The following PCDH9 variants were observed in gnomAD, a reference collection of about 807,000 sequenced individuals.
PCDH9 encodes protocadherin-9.
PCDH9 carries 24 observed loss-of-function variants against 70.6 expected under a neutral mutation model. The observed-to-expected ratio is 0.34, with a 90% CI of 0.25 to 0.48. The LOEUF (loss-of-function observed/expected upper bound fraction) is 0.48, where lower values mean the gene tolerates loss of function less well. PCDH9 is among the 20% of genes least tolerant of loss of function. The pLI, the probability that PCDH9 is intolerant of heterozygous loss-of-function variation, is 0.99. For missense variants in PCDH9, 1,281 were observed against 1,503.6 expected (o/e 0.85, Z 2.45); for synonymous variants, 562 against 558.5 (o/e 1.01, Z -0.09).
intron 2 of PCDH9, among the ~76,000 whole-genome samples, chr13:66,954,924 C>T (rs573950405): frequency 1.3e-5 from 2 of 152,178 alleles, no homozygotes; most frequent in South Asian, 2.1e-4. Flanking sequence ...CCTCCACGCC[C>T]GGCTAATTTT....
chr13:66,880,909 G>A (rs2081911034), intron 3 of PCDH9, among the ~76,000 whole-genome samples: 1 of 152,306 alleles, frequency 6.6e-6, no homozygotes, highest in Non-Finnish European at 1.5e-5. Context: ...AGGTTCTACA[G>A]TCACAATTCA....
rs543407069 is a variant in PCDH9, at chr13:66,712,578, G to T, written c.3139-81167C>A. On this transcript the variant is annotated intron_variant, in intron 3 of 4. Coordinates refer to ENST00000377865, the MANE Select transcript of PCDH9 (RefSeq NM_203487.3). ...CAATTTTAAAATAAAGTATTTTTTT[G>T]AAAGGAAATTAGGCAATGCCAAGCT... Among the ~76,000 whole-genome samples, 57 of 151,904 alleles carry T rather than the reference G, an allele frequency of 3.8e-4. 1 individual carries two copies. The highest frequency in any genetic ancestry group is 1.4e-3 in the African/African-American group (57 of 41,478).
intron 4 of PCDH9, among the ~76,000 whole-genome samples, chr13:66,530,161 C>T (rs1960388785): frequency 6.6e-6 from 1 of 152,038 alleles, no homozygotes; most frequent in South Asian, 2.1e-4. Context: ...CTTTTAAGCT[C>T]CTCCTACTTT....
chr13:67,103,276 T>C (rs2086469322), intron 2 of PCDH9, among the ~76,000 whole-genome samples: 1 of 152,030 alleles, frequency 6.6e-6, no homozygotes, highest in Admixed American at 6.6e-5. Flanking sequence ...TATGTGAAAA[T>C]AATTGGGGAA....
rs116517719 is a variant in PCDH9 at position 67,089,552 on chromosome 13, G to A, written c.3036+135853C>T. On this transcript the variant is annotated intron_variant, in intron 2 of 4. Coordinates refer to ENST00000377865, the MANE Select transcript of PCDH9 (RefSeq NM_203487.3). ...AAGATAAACATATTTGGACTCTGCCGTCAAGCAACATAGAGTTTTGTGAAT... is the reference window on the plus strand; with the variant it reads ...AAGATAAACATATTTGGACTCTGCCATCAAGCAACATAGAGTTTTGTGAAT... Among the ~76,000 whole-genome samples, 1,126 of 152,006 alleles carry A rather than the reference G, an allele frequency of 7.4e-3. 16 individuals carry two copies. Among genetic ancestry groups the A allele is most frequent in the African/African-American group, 0.025 (1,043 of 41,514 alleles).
intron 4 of PCDH9, among the ~76,000 whole-genome samples, chr13:66,602,290 T>C (rs1397208701): frequency 6.8e-6 from 1 of 146,548 alleles, no homozygotes; most frequent in Non-Finnish European, 1.5e-5. Flanking sequence ...CTGGGCTGCA[T>C]GTGGCCCACA....
chr13:66,869,535 T>G (rs1240915515), intron 3 of PCDH9, among the ~76,000 whole-genome samples: 6 of 152,114 alleles, frequency 3.9e-5, no homozygotes, highest in Non-Finnish European at 8.8e-5. Context: ...CTTTCTAAAT[T>G]GTATTGTTTC....
intron 2 of PCDH9, chr13:67,211,114 T>C (rs2089459424): frequency 6.6e-6 from 1 of 152,004 alleles, no homozygotes. Flanking sequence ...GATTTACATA[T>C]AGTTTTTTGG....
intron 2 of PCDH9, among the ~76,000 whole-genome samples, chr13:67,155,287 C>T (rs1311901022): frequency 6.6e-6 from 1 of 152,090 alleles, no homozygotes; most frequent in African/African-American, 2.4e-5. Context: ...GTGCTTCAGG[C>T]TTTTCTAATA....
chr13:67,059,582 G>A (rs926152590), intron 2 of PCDH9, among the ~76,000 whole-genome samples: 10 of 151,618 alleles, frequency 6.6e-5, no homozygotes, highest in East Asian at 1.9e-4. Context: ...TCATGTGGCC[G>A]TCTTGGGAAG....
At chr13:66,687,073 C>T (rs1423347316) in intron 3 of PCDH9, among the ~76,000 whole-genome samples, 1 of 152,070 alleles carries the variant, frequency 6.6e-6, no homozygotes, top group Non-Finnish European at 1.5e-5. Context: ...ACAAGTGACT[C>T]ATAAAACAGG....
chr13:67,169,205 C>T (rs988500453), intron 2 of PCDH9, among the ~76,000 whole-genome samples: 9 of 152,262 alleles, frequency 5.9e-5, no homozygotes, highest in South Asian at 2.1e-4. Context: ...GATATGAAAA[C>T]CAAGAGTGCA....
At chr13:67,057,827 CCAT>C (rs1468540514) in intron 2 of PCDH9, among the ~76,000 whole-genome samples, 1 of 152,032 alleles carries the variant, frequency 6.6e-6, no homozygotes, top group Non-Finnish European at 1.5e-5. Context: ...ATACACTTGA[CCAT>C]CATAAGCTAA....
intron 2 of PCDH9, among the ~76,000 whole-genome samples, chr13:66,969,759 T>C (rs549672880): frequency 6.6e-6 from 1 of 152,110 alleles, no homozygotes; most frequent in South Asian, 2.1e-4. Flanking sequence ...ACAGACTCAA[T>C]TATAGAAGCT....
At chr13:66,506,424 T>C (rs1393614891) in intron 4 of PCDH9, among the ~76,000 whole-genome samples, 1 of 152,216 alleles carries the variant, frequency 6.6e-6, no homozygotes, top group Non-Finnish European at 1.5e-5. Context: ...TAAGAGTTTA[T>C]TATAAGGTTC....
intron 2 of PCDH9, among the ~76,000 whole-genome samples, chr13:66,945,773 G>A (rs2083078397): frequency 6.6e-6 from 1 of 152,024 alleles, no homozygotes; most frequent in East Asian, 1.9e-4. Flanking sequence ...CCATGTTACA[G>A]CTTTATATTA....
intron 2 of PCDH9, among the ~76,000 whole-genome samples, chr13:67,050,799 C>T (rs946577223): frequency 2.0e-5 from 3 of 152,208 alleles, no homozygotes; most frequent in Admixed American, 6.5e-5. Flanking sequence ...GTATGTCTCA[C>T]AGCAGATCCT....
At chr13:66,622,790 C>A (rs1364345498) in intron 4 of PCDH9, among the ~76,000 whole-genome samples, 1 of 152,164 alleles carries the variant, frequency 6.6e-6, no homozygotes, top group Non-Finnish European at 1.5e-5. Flanking sequence ...TGGCAATCCG[C>A]GCTGGTGGAC....
intron 4 of PCDH9, among the ~76,000 whole-genome samples, chr13:66,311,967 ATTCAATAAT>A (rs1955569124): frequency 6.6e-6 from 1 of 152,198 alleles, no homozygotes; most frequent in African/African-American, 2.4e-5. Flanking sequence ...CCATTCATTT[ATTCAATAAT>A]TTCTGATTTA....
Sources: gnomAD v4.1 joint callset for allele counts (sites outside exome capture counted in the v4.1 genomes callset) on GRCh38, gnomAD v4.1.1 for gene constraint, MANE v1.5 for transcripts, NCBI Gene and HGNC (gene_info 2026-07-23, HGNC 2026-07-21) for gene names.